GFOD1: variants seen among roughly 807,000 people sequenced by gnomAD.
GFOD1 encodes the protein Gfo/Idh/MocA-like oxidoreductase domain containing 1.
A neutral mutation model predicts 25.4 loss-of-function variants in GFOD1; 9 were observed. The ratio of observed to expected loss-of-function variants is 0.35; its 90% CI spans 0.21 to 0.62. The LOEUF (loss-of-function observed/expected upper bound fraction) is 0.62. Among genes scored for constraint, GFOD1 ranks in the 20% least tolerant of loss-of-function variants. The pLI is 0.72. For synonymous variants in GFOD1, 253 were observed against 245.6 expected, an observed-to-expected ratio of 1.03 and a Z score of -0.28; for missense variants, 403 against 556.9, an observed-to-expected ratio of 0.72 and a Z score of 2.78.
intron 1 of GFOD1, among the ~76,000 whole-genome samples, chr6:13,462,768 C>T (rs1487620187): frequency 6.6e-6 from 1 of 152,220 alleles, no homozygotes. Flanking sequence ...AACAGAATTA[C>T]TGGCTTTACA....
chr6:13,442,193 C>A (rs1757928892), intron 1 of GFOD1, among the ~76,000 whole-genome samples: 1 of 152,182 alleles, frequency 6.6e-6, no homozygotes, highest in Non-Finnish European at 1.5e-5. Context: ...TGAGGTACTG[C>A]TTATGTTAAT....
At chr6:13,382,666 AATTTT>A (rs1488061664) in intron 1 of GFOD1, among the ~76,000 whole-genome samples, 2 of 152,168 alleles carry the variant, frequency 1.3e-5, no homozygotes, top group Non-Finnish European at 2.9e-5. Flanking sequence ...TTTAAAAAAA[AATTTT>A]ATTTTAAGTT....
intron 1 of GFOD1, among the ~76,000 whole-genome samples, chr6:13,466,877 AAAC>A (rs2127576507): frequency 6.6e-6 from 1 of 152,260 alleles, no homozygotes; most frequent in South Asian, 2.1e-4. Flanking sequence ...GAGGGGAAAA[AAAC>A]AAGGCATGAC....
rs371811274 is a variant in GFOD1 at position 13,481,013 on chromosome 6, A to G, written c.253+5625T>C. Among the ~76,000 whole-genome samples, 102 of 152,296 alleles carry G rather than the reference A, an allele frequency of 6.7e-4. 1 individual carries two copies. The highest frequency in any genetic ancestry group is 2.2e-3 in the African/African-American group (92 of 41,546). ...TCTACTAGGTGACTAAGTGTCTGGCACTGTCTAAGGGAGATAAGGGTACCC... is the reference window on the plus strand; with the variant it reads ...TCTACTAGGTGACTAAGTGTCTGGCGCTGTCTAAGGGAGATAAGGGTACCC... On this transcript the variant is annotated intron_variant, in intron 1 of 1. Coordinates refer to ENST00000379287, the MANE Select transcript of GFOD1 (RefSeq NM_018988.4).
chr6:13,456,667 A>G (rs1234353745), intron 1 of GFOD1, among the ~76,000 whole-genome samples: 1 of 152,206 alleles, frequency 6.6e-6, no homozygotes, highest in Non-Finnish European at 1.5e-5. Flanking sequence ...ACTGCAGGTG[A>G]TTAAACCTGA....
chr6:13,375,787 G>A (rs1039463827), intron 1 of GFOD1, among the ~76,000 whole-genome samples: 3 of 152,126 alleles, frequency 2.0e-5, no homozygotes, highest in African/African-American at 7.2e-5. Flanking sequence ...CCATTAGCAC[G>A]GGGATTTTCT....
intron 1 of GFOD1, among the ~76,000 whole-genome samples, chr6:13,464,649 T>C (rs1758348942): frequency 6.6e-6 from 1 of 152,222 alleles, no homozygotes; most frequent in Non-Finnish European, 1.5e-5. Context: ...TATCAGTAGA[T>C]ACTAAGTAAA....
intron 1 of GFOD1, chr6:13,469,544 G>A: frequency 9.6e-7 from 1 of 1,042,590 alleles, no homozygotes; most frequent in Non-Finnish European, 1.2e-6. Context: ...CATTATACTG[G>A]AAAACACATA....
chr6:13,365,166 A>T lies in GFOD1; in HGVS notation c.750T>A (p.Thr250=). The T allele has an allele frequency of 6.2e-7, 1 of 1,613,838 alleles. No individual in the cohort carries two copies. ...GCAGGCGCCCGGCTGAGCCCACCAC[A>T]GTGACATCCTGCTTGAACTCGCCGG... is the stretch of plus-strand genomic sequence containing the variant. ...NVPGEFKQDV[T]VVGSAGRLLA... Residue 250 remains threonine (T), a synonymous_variant, in exon 2 of 2, where the codon ACT becomes ACA. Transcript: ENST00000379287. The surrounding 1 kb of genome is among the most constrained non-coding windows in gnomAD (Gnocchi z 9.2).
intron 1 of GFOD1, among the ~76,000 whole-genome samples, chr6:13,472,368 G>T (rs1432001020): frequency 6.6e-6 from 1 of 152,146 alleles, no homozygotes; most frequent in African/African-American, 2.4e-5. Flanking sequence ...GTATGTAGCT[G>T]GCACTCAATA....
At chr6:13,436,436 A>G (rs549225963) in intron 1 of GFOD1, among the ~76,000 whole-genome samples, 1 of 152,376 alleles carries the variant, frequency 6.6e-6, no homozygotes, top group East Asian at 1.9e-4. Context: ...ACACAAATGG[A>G]TCATGCTCTG....
intron 1 of GFOD1, among the ~76,000 whole-genome samples, chr6:13,449,627 G>A (rs540550256): frequency 9.2e-5 from 14 of 152,212 alleles, no homozygotes; most frequent in Admixed American, 8.5e-4. Flanking sequence ...AATCATCGGG[G>A]CGGTTTCCCC....
intron 1 of GFOD1, among the ~76,000 whole-genome samples, chr6:13,377,840 T>C (rs905652462): frequency 2.6e-5 from 4 of 152,118 alleles, no homozygotes; most frequent in Admixed American, 2.0e-4. Context: ...CAAAACTCTC[T>C]TTGTTTCTGA....
chr6:13,447,634 G>A lies in GFOD1; in HGVS notation c.253+39004C>T, dbSNP rs1758024092. ...TGGGCACCTGTAATACCAGCTACTT[G>A]GGAGGCTGAGGCAGGAGAATCACTT... is the stretch of plus-strand genomic sequence containing the variant. On this transcript the variant is annotated intron_variant, in intron 1 of 1. Coordinates refer to ENST00000379287, the MANE Select transcript of GFOD1 (RefSeq NM_018988.4). Among the ~76,000 whole-genome samples the A allele has an allele frequency of 2.0e-5, 3 of 149,324 alleles. No homozygotes were observed. The Admixed American group carries it at 2.0e-4, about 10-fold the overall frequency.
rs770325894 is a variant in GFOD1 at position 13,362,461 on chromosome 6, CAAAAA to C, written c.*2277_*2281del. 3 of 80,890 alleles carry C rather than the reference CAAAAA, an allele frequency of 3.7e-5. No homozygotes were observed. Among genetic ancestry groups the C allele is most frequent in the Admixed American group, 1.5e-4 (1 of 6,750 alleles). The allele number at this position is 80,890 out of a possible 1,614,324, so 5.0% of individuals were successfully genotyped here. ...TGGGTGACAGAGCGAGACTCCATTT[CAAAAA>C]AAAAAAAAAAAAAAGAAGAAGAATG... On this transcript the variant is annotated 3_prime_UTR_variant, in exon 2 of 2. Transcript: ENST00000379287.
chr6:13,408,866 C>CT (rs1785994398), intron 1 of GFOD1, among the ~76,000 whole-genome samples: 1 of 151,918 alleles, frequency 6.6e-6, no homozygotes, highest in Non-Finnish European at 1.5e-5. Context: ...GGGTGGATCA[C>CT]TTTGAGGTCA....
At chr6:13,370,598 T>C (rs1429335143) in intron 1 of GFOD1, among the ~76,000 whole-genome samples, 1 of 152,126 alleles carries the variant, frequency 6.6e-6, no homozygotes, top group Non-Finnish European at 1.5e-5. Flanking sequence ...AGGTTTTTTC[T>C]TTTTCCAGCT....
intron 1 of GFOD1, among the ~76,000 whole-genome samples, chr6:13,369,774 A>AT (rs1472936601): frequency 6.6e-6 from 1 of 152,208 alleles, no homozygotes; most frequent in Non-Finnish European, 1.5e-5. Context: ...AATGATGCTT[A>AT]TGGAGACTTT....
In GFOD1 at chr6:13,419,498, C is replaced by T. The variant is rs9474154; in HGVS notation, c.254-53836G>A. ...CTGGTCTCCTTGCTTCTATCCCTGC[C>T]GATGGCTAAACCAGAGCCACAGCCA... On this transcript the variant is annotated intron_variant, in intron 1 of 1. Transcript: ENST00000379287. Among the ~76,000 whole-genome samples the T allele has an allele frequency of 9.9e-3, 1,502 of 152,244 alleles. 21 individuals are homozygous for T. Among genetic ancestry groups the T allele is most frequent in the African/African-American group, 0.034 (1,413 of 41,528 alleles).
Sources: gnomAD v4.1 joint callset for allele counts (sites outside exome capture counted in the v4.1 genomes callset) on GRCh38, gnomAD v4.1.1 for gene constraint, Gnocchi (gnomAD v3.1) non-coding constraint, MANE v1.5 for transcripts, NCBI Gene and HGNC (gene_info 2026-07-23, HGNC 2026-07-21) for gene names.